The following ZNF827 variants were observed in gnomAD, a reference collection of about 807,000 sequenced individuals.
The protein encoded by ZNF827 is zinc finger protein 827.
In ZNF827, 13 loss-of-function variants were observed where a neutral mutation model predicts 102.4. That is an observed-to-expected ratio of 0.13 (90% confidence interval 0.08 to 0.20). ZNF827 has a LOEUF of 0.20. Among genes scored for constraint, ZNF827 ranks in the 10% least tolerant of loss-of-function variants. The pLI, the probability that ZNF827 is intolerant of heterozygous loss-of-function variation, is 1.00. For synonymous variants in ZNF827, 523 were observed against 536.2 expected (o/e 0.98, Z 0.34); for missense variants, 1,103 against 1,344.4 (o/e 0.82, Z 2.81).
intron 5 of ZNF827, among the ~76,000 whole-genome samples, chr4:145,862,612 T>C (rs138961574): frequency 0.01 from 1,546 of 152,306 alleles, 24 homozygotes; most frequent in African/African-American, 0.034. Context: ...CTGGTCACAT[T>C]CACTGTAAGT....
chr4:145,935,898 G>A (rs944282178), intron 1 of ZNF827, among the ~76,000 whole-genome samples: 1 of 152,144 alleles, frequency 6.6e-6, no homozygotes, highest in African/African-American at 2.4e-5. Flanking sequence ...ACAAGAGGAG[G>A]GAAGGCGTTC....
At chr4:145,838,008 C>A (rs1745044469) in intron 7 of ZNF827, among the ~76,000 whole-genome samples, 1 of 152,116 alleles carries the variant, frequency 6.6e-6, no homozygotes, top group Admixed American at 6.5e-5. Flanking sequence ...CCCAACACTT[C>A]AACACTATTT....
rs374572235 is a variant in ZNF827 at position 145,885,876 on chromosome 4, C to G, written c.1549G>C (p.Val517Leu). 19 of 1,614,242 alleles carry G rather than the reference C, an allele frequency of 1.2e-5. No individual in the cohort carries two copies. In the African/African-American group the frequency reaches 2.3e-4, roughly 19 times the overall value. The change falls in exon 4 of 15, where the codon GTC (valine) becomes CTC (leucine). Residue 517 changes from valine (V) to leucine (L), a missense_variant. Transcript: ENST00000508784. Reference protein sequence around the residue: ...PERTSQGGAGVSPLLVKEEPK... With the variant: ...PERTSQGGAGLSPLLVKEEPK... ...TCCTCCTTCACCAGCAAAGGCGAGACGCCAGCCCCTCCCTGGCTAGTCCTC... is the reference window on the plus strand; with the variant it reads ...TCCTCCTTCACCAGCAAAGGCGAGAGGCCAGCCCCTCCCTGGCTAGTCCTC...
intron 1 of ZNF827, among the ~76,000 whole-genome samples, chr4:145,929,936 C>T (rs1753682324): frequency 6.6e-6 from 1 of 152,096 alleles, no homozygotes; most frequent in African/African-American, 2.4e-5. Context: ...AAGCAATTTG[C>T]CCAAGGTCAC....
chr4:145,781,372 C>A (rs1296511300), intron 8 of ZNF827, among the ~76,000 whole-genome samples: 1 of 151,966 alleles, frequency 6.6e-6, no homozygotes, highest in Admixed American at 6.6e-5. Flanking sequence ...TCAATTTTCA[C>A]TGGAATGATT....
intron 4 of ZNF827, among the ~76,000 whole-genome samples, chr4:145,883,428 T>C (rs547380862): frequency 7.9e-5 from 12 of 152,208 alleles, no homozygotes; most frequent in Admixed American, 3.3e-4. Context: ...GATCACAATA[T>C]AAGGCTTTGA....
intron 1 of ZNF827, among the ~76,000 whole-genome samples, chr4:145,935,376 T>TC (rs1754083759): frequency 6.6e-6 from 1 of 152,212 alleles, no homozygotes; most frequent in Non-Finnish European, 1.5e-5. Flanking sequence ...GTTTCAAGCC[T>TC]CACTCAGCAG....
chr4:145,776,865 C>T (rs1300007218), intron 9 of ZNF827, among the ~76,000 whole-genome samples: 1 of 152,204 alleles, frequency 6.6e-6, no homozygotes, highest in African/African-American at 2.4e-5. Context: ...TGGAAACCCT[C>T]TCATAAAACT....
intron 5 of ZNF827, among the ~76,000 whole-genome samples, chr4:145,850,579 T>C (rs900185956): frequency 1.3e-5 from 2 of 152,220 alleles, no homozygotes; most frequent in South Asian, 2.1e-4. Context: ...ATATTTGTTT[T>C]GTAAGGGTGG....
At chr4:145,918,332 C>CA (rs34428145) in intron 1 of ZNF827, among the ~76,000 whole-genome samples, 1,509 of 22,146 alleles carry the variant, frequency 0.068, 339 homozygotes, top group Non-Finnish European at 0.088. Flanking sequence ...TAGCTCAAGG[C>CA]AAAAAAAAAA....
At chr4:145,899,488 A>C (rs1205693050) in intron 2 of ZNF827, among the ~76,000 whole-genome samples, 2 of 152,202 alleles carry the variant, frequency 1.3e-5, no homozygotes, top group African/African-American at 4.8e-5. Flanking sequence ...TTATTAACCC[A>C]TAATCTAGCT....
At chr4:145,932,217 AT>A (rs1351750648) in intron 1 of ZNF827, among the ~76,000 whole-genome samples, 2 of 152,204 alleles carry the variant, frequency 1.3e-5, no homozygotes, top group East Asian at 3.8e-4. Context: ...AGTTTAAGAT[AT>A]TTTGTTATAG....
chr4:145,874,543 T>C (rs938036128), intron 4 of ZNF827, among the ~76,000 whole-genome samples: 30 of 152,350 alleles, frequency 2.0e-4, no homozygotes, highest in South Asian at 6.2e-4. Flanking sequence ...ATAATTACTA[T>C]CTTTTAAATT....
intron 2 of ZNF827, among the ~76,000 whole-genome samples, chr4:145,896,025 G>A (rs1750945148): frequency 6.6e-6 from 1 of 152,174 alleles, no homozygotes; most frequent in Non-Finnish European, 1.5e-5. Flanking sequence ...GGGATGAACA[G>A]CTGCTAATTT....
In ZNF827 at chr4:145,931,728, A is replaced by C. The variant is rs540573598; in HGVS notation, c.43+6637T>G. 8.3e-4 allele frequency among the ~76,000 whole-genome samples: 127 copies of C among 152,328 alleles called. 1 individual carries two copies. Among genetic ancestry groups the C allele is most frequent in the African/African-American group, 2.9e-3 (121 of 41,558 alleles). On this transcript the variant is annotated intron_variant, in intron 1 of 14. Transcript: ENST00000508784. ...CTACAGTGGATATTTAAAAATGAAG[A>C]ATGGAGGAAGACATGGCAACTTCAA...
chr4:145,813,144 G>A (rs557919456), intron 8 of ZNF827, among the ~76,000 whole-genome samples: 1 of 152,116 alleles, frequency 6.6e-6, no homozygotes, highest in South Asian at 2.1e-4. Flanking sequence ...CACGATCCAG[G>A]ATCACCAAAA....
intron 5 of ZNF827, among the ~76,000 whole-genome samples, chr4:145,868,840 A>T (rs936955198): frequency 6.6e-6 from 1 of 152,226 alleles, no homozygotes; most frequent in Non-Finnish European, 1.5e-5. Context: ...TAAGACTTCA[A>T]GTCACTGGAA....
chr4:145,777,343 A>C (rs191471241), intron 9 of ZNF827, among the ~76,000 whole-genome samples: 126 of 152,314 alleles, frequency 8.3e-4, no homozygotes, highest in Non-Finnish European at 1.1e-3. Context: ...TTTTTCTATC[A>C]TTTGGAAAGG....
intron 7 of ZNF827, among the ~76,000 whole-genome samples, chr4:145,828,931 C>G (rs1465941815): frequency 6.6e-6 from 1 of 152,182 alleles, no homozygotes. Context: ...TGAGGGCCAA[C>G]AGAGAGTTTT....
Sources: allele counts gnomAD v4.1 joint callset (sites outside exome capture counted in the v4.1 genomes callset), GRCh38; gene constraint gnomAD v4.1.1; transcripts MANE v1.5; gene names NCBI Gene and HGNC (gene_info 2026-07-23, HGNC 2026-07-21).